The following NSMCE2 variants were observed in gnomAD, a reference collection of about 807,000 sequenced individuals.
The protein encoded by NSMCE2 is NSE2 SUMO ligase component of SMC5/6 complex, also known as E3 SUMO-protein ligase NSE2.
In NSMCE2, 24 loss-of-function variants were observed where a neutral mutation model predicts 23.8. That is an observed-to-expected ratio of 1.01 (90% CI 0.73 to 1.42). The LOEUF is 1.42. Ranked by LOEUF, NSMCE2 falls within the 40% of genes most tolerant of loss-of-function variation. The pLI, the probability that NSMCE2 is intolerant of heterozygous loss-of-function variation, is 0.00. For synonymous variants in NSMCE2, 92 were observed against 94.1 expected (o/e 0.98, Z 0.13); for missense variants, 284 against 296.5 (o/e 0.96, Z 0.31).
intron 5 of NSMCE2, among the ~76,000 whole-genome samples, chr8:125,335,735 G>A (rs1267688231): frequency 6.6e-6 from 1 of 152,212 alleles, no homozygotes; most frequent in East Asian, 1.9e-4. Context: ...GACCCAGTGA[G>A]ATAGAGGAGA....
chr8:125,157,133 AG>A (rs1383605102), intron 4 of NSMCE2, among the ~76,000 whole-genome samples: 1 of 152,160 alleles, frequency 6.6e-6, no homozygotes, highest in Non-Finnish European at 1.5e-5. Context: ...AAGAAGAAGG[AG>A]GGGGAAATTC....
At chr8:125,298,887 T>C (rs1466249214) in intron 5 of NSMCE2, among the ~76,000 whole-genome samples, 2 of 152,042 alleles carry the variant, frequency 1.3e-5, no homozygotes, top group African/African-American at 2.4e-5. Flanking sequence ...ATTGATGGGA[T>C]TAAGTTTGGG....
chr8:125,355,387 A>G (rs957867156), intron 5 of NSMCE2, among the ~76,000 whole-genome samples: 23 of 152,196 alleles, frequency 1.5e-4, no homozygotes, highest in Admixed American at 3.3e-4. Context: ...GGACTACACC[A>G]TCAACATGTT....
At chr8:125,107,123 C>G (rs769223192) in intron 3 of NSMCE2, among the ~76,000 whole-genome samples, 1 of 151,732 alleles carries the variant, frequency 6.6e-6, no homozygotes, top group Non-Finnish European at 1.5e-5. Context: ...TTCAGATACC[C>G]AAACCTGAAT....
At chr8:125,234,289 G>A (rs919670606) in intron 5 of NSMCE2, among the ~76,000 whole-genome samples, 1 of 152,166 alleles carries the variant, frequency 6.6e-6, no homozygotes, top group Non-Finnish European at 1.5e-5. Context: ...TAGCAGTTGA[G>A]AAGAAATGAA....
intron 5 of NSMCE2, among the ~76,000 whole-genome samples, chr8:125,343,623 A>T (rs1233274132): frequency 6.6e-6 from 1 of 152,094 alleles, no homozygotes; most frequent in Non-Finnish European, 1.5e-5. Flanking sequence ...TGGGTGACAG[A>T]GCAAGACCCT....
intron 4 of NSMCE2, among the ~76,000 whole-genome samples, chr8:125,152,608 C>T (rs1329243378): frequency 3.3e-5 from 5 of 152,154 alleles, no homozygotes; most frequent in Non-Finnish European, 5.9e-5. Flanking sequence ...ACTTGATAAG[C>T]CTTTCTATCT....
At chr8:125,180,100 T>G (rs538053047) in intron 4 of NSMCE2, among the ~76,000 whole-genome samples, 1 of 152,340 alleles carries the variant, frequency 6.6e-6, no homozygotes, top group East Asian at 1.9e-4. Context: ...CTCTCAATTC[T>G]TCATGCTACA....
chr8:125,092,545 A>T (rs767627367), intron 1 of NSMCE2, among the ~76,000 whole-genome samples: 5 of 152,254 alleles, frequency 3.3e-5, no homozygotes, highest in African/African-American at 4.8e-5. Flanking sequence ...TGTTGTGTAC[A>T]TGTGCATGTG....
intron 3 of NSMCE2, among the ~76,000 whole-genome samples, chr8:125,124,634 C>T (rs1819426707): frequency 6.6e-6 from 1 of 152,072 alleles, no homozygotes; most frequent in Non-Finnish European, 1.5e-5. Context: ...CTTGCACCAC[C>T]ACACCTGGCT....
At chr8:125,186,004 A>G (rs1823078417) in intron 5 of NSMCE2, among the ~76,000 whole-genome samples, 1 of 152,184 alleles carries the variant, frequency 6.6e-6, no homozygotes, top group African/African-American at 2.4e-5. Flanking sequence ...TCACTTTGAC[A>G]ACTCTAGATC....
intron 3 of NSMCE2, among the ~76,000 whole-genome samples, chr8:125,145,236 G>A (rs551650198): frequency 5.3e-5 from 8 of 152,118 alleles, no homozygotes; most frequent in Non-Finnish European, 1.2e-4. Flanking sequence ...ACAATGGTTT[G>A]GCATTGTGCT....
chr8:125,163,710 A>G (rs1484855510), intron 4 of NSMCE2, among the ~76,000 whole-genome samples: 1 of 152,196 alleles, frequency 6.6e-6, no homozygotes, highest in African/African-American at 2.4e-5. Flanking sequence ...GAAGAGTGAA[A>G]GAAACTTCCT....
At chr8:125,329,963 C>T (rs1375020847) in intron 5 of NSMCE2, among the ~76,000 whole-genome samples, 2 of 152,006 alleles carry the variant, frequency 1.3e-5, no homozygotes, top group East Asian at 3.9e-4. Context: ...TCACTTCTCT[C>T]CAGCCCCCTC....
At chr8:125,296,097 C>T (rs1442642630) in intron 5 of NSMCE2, among the ~76,000 whole-genome samples, 1 of 152,154 alleles carries the variant, frequency 6.6e-6, no homozygotes, top group Non-Finnish European at 1.5e-5. Flanking sequence ...ACATTTACTA[C>T]ACGCTAGGCA....
chr8:125,268,932 T>G (rs1827057824), intron 5 of NSMCE2, among the ~76,000 whole-genome samples: 1 of 152,296 alleles, frequency 6.6e-6, no homozygotes, highest in South Asian at 2.1e-4. Flanking sequence ...AATTTTAAAA[T>G]TTGGCAGGTA....
chr8:125,272,766 T>TAC (rs1227620586), intron 5 of NSMCE2, among the ~76,000 whole-genome samples: 3 of 141,772 alleles, frequency 2.1e-5, no homozygotes, highest in Non-Finnish European at 3.0e-5. Flanking sequence ...TATATATATA[T>TAC]ACACACACAC....
chr8:125,108,243 A>C (rs1213784585), intron 3 of NSMCE2, among the ~76,000 whole-genome samples: 1 of 152,204 alleles, frequency 6.6e-6, no homozygotes, highest in Non-Finnish European at 1.5e-5. Context: ...AGCCAAGGGC[A>C]ATCACTCCCA....
At chr8:125,332,697 G>T (rs867427435) in intron 5 of NSMCE2, among the ~76,000 whole-genome samples, 1 of 152,182 alleles carries the variant, frequency 6.6e-6, no homozygotes, top group Non-Finnish European at 1.5e-5. Context: ...TAGCAAGCTT[G>T]TTCCATTTTT....
Sources: gnomAD v4.1 joint callset for allele counts (sites outside exome capture counted in the v4.1 genomes callset) on GRCh38, gnomAD v4.1.1 for gene constraint, MANE v1.5 for transcripts, NCBI Gene and HGNC (gene_info 2026-07-23, HGNC 2026-07-21) for gene names.